SLC38A8: variants seen among roughly 807,000 people sequenced by gnomAD.
The protein encoded by SLC38A8 is solute carrier family 38 member 8.
A neutral mutation model predicts 46.0 loss-of-function variants in SLC38A8; 65 were observed. The observed-to-expected ratio is 1.41, with a 90% CI of 1.16 to 1.74. SLC38A8 has a LOEUF of 1.74. Ranked by LOEUF, SLC38A8 falls within the 40% of genes most tolerant of loss-of-function variation. The pLI, the probability that SLC38A8 is intolerant of heterozygous loss-of-function variation, is 0.00. For missense variants in SLC38A8, 998 were observed against 567.9 expected (o/e 1.76, Z -7.70); for synonymous variants, 447 against 243.7 (o/e 1.83, Z -7.77).
Position 84,009,730 on chromosome 16 carries a change from G to T in SLC38A8, c.*54C>A. ...ATCGGTCTCCTGGCTGCATACAGCA[G>T]CCACGTAGGGTCAGCCCCCGGAGGG... On this transcript the variant is annotated 3_prime_UTR_variant, in exon 11 of 11. Transcript: ENST00000299709. 6.6e-7 allele frequency: 1 copy of T among 1,504,622 alleles called. No individual in the cohort carries two copies. Among genetic ancestry groups the T allele is most frequent in the Non-Finnish European group, 9.1e-7 (1 of 1,098,710 alleles). The allele number at this position is 1,504,622 out of a possible 1,614,324, so 93.2% of individuals were successfully genotyped here.
intron 7 of SLC38A8, among the ~76,000 whole-genome samples, chr16:84,018,843 T>G (rs1186800870): frequency 6.6e-6 from 1 of 152,168 alleles, no homozygotes; most frequent in African/African-American, 2.4e-5. Flanking sequence ...GCAGTGAATT[T>G]CTAGGGGAGT....
At chr16:84,019,900 G>A (rs2085075439) in intron 7 of SLC38A8, among the ~76,000 whole-genome samples, 1 of 152,260 alleles carries the variant, frequency 6.6e-6, no homozygotes, top group African/African-American at 2.4e-5. Flanking sequence ...TTGACACCAT[G>A]TGCCACCCCC....
At chr16:84,015,065 G>A (rs1170764995) in intron 9 of SLC38A8, among the ~76,000 whole-genome samples, 2 of 152,000 alleles carry the variant, frequency 1.3e-5, no homozygotes, top group African/African-American at 4.8e-5. Context: ...CAGGGTGTTG[G>A]GGATACCTGG....
At chr16:84,031,788 C>G in intron 5 of SLC38A8, 79 bp downstream of exon 5, 1 of 1,227,834 alleles carries the variant, frequency 8.1e-7, no homozygotes, top group African/African-American at 1.5e-5. Context: ...CGAGAGGCTC[C>G]TCCTCCAAGA....
intron 2 of SLC38A8, among the ~76,000 whole-genome samples, chr16:84,039,295 G>A (rs1419844675): frequency 6.6e-6 from 1 of 152,184 alleles, no homozygotes; most frequent in Non-Finnish European, 1.5e-5. Flanking sequence ...AGCAGCCCTA[G>A]GAAACAGACA....
rs2085304989 is a variant in SLC38A8, at chr16:84,036,816, C to A, written c.274G>T (p.Val92Phe). ...VSGQATYQGV[V>F]RGLCGPAIGK... ...ATGGCAGGGCCACACAGCCCCCTGA[C>A]CACACCCTGGTAGGTGGCCTGGCCA... The change falls in exon 3 of 11, where the codon GTC becomes TTC. Residue 92 changes from valine to phenylalanine, a missense_variant. By Grantham distance (50) the Val-to-Phe change is conservative. Transcript: ENST00000299709. 2 of 1,613,972 alleles carry A rather than the reference C, an allele frequency of 1.2e-6. No homozygotes were observed. Among genetic ancestry groups the A allele is most frequent in the Non-Finnish European group, 8.5e-7 (1 of 1,180,024 alleles).
At chr16:84,035,203 T>G (rs905351252) in intron 3 of SLC38A8, among the ~76,000 whole-genome samples, 2 of 152,104 alleles carry the variant, frequency 1.3e-5, no homozygotes, top group East Asian at 1.9e-4. Context: ...TTCAGTGGAG[T>G]TGAAACTGCA....
intron 2 of SLC38A8, among the ~76,000 whole-genome samples, chr16:84,039,763 AAAAAAGGC>A (rs1300865940): frequency 2.6e-5 from 2 of 75,484 alleles, no homozygotes; most frequent in Non-Finnish European, 5.0e-5. Flanking sequence ...AAAAAAAAAA[AAAAAAGGC>A]AGGGGAAGGT....
intron 9 of SLC38A8, among the ~76,000 whole-genome samples, chr16:84,013,599 T>G (rs2084985217): frequency 6.6e-6 from 1 of 151,548 alleles, no homozygotes; most frequent in African/African-American, 2.4e-5. Context: ...CCCCGCTCAT[T>G]TTTGTATTTT....
intron 3 of SLC38A8, among the ~76,000 whole-genome samples, chr16:84,036,393 T>A (rs1228623413): frequency 6.6e-6 from 1 of 152,232 alleles, no homozygotes; most frequent in Non-Finnish European, 1.5e-5. Flanking sequence ...TGTTACTGGT[T>A]CTTTCTCAGA....
intron 9 of SLC38A8, 81 bp downstream of exon 9, chr16:84,016,438 T>G: frequency 6.6e-7 from 1 of 1,508,180 alleles, no homozygotes; most frequent in South Asian, 1.3e-5. Context: ...TCCAGAACCT[T>G]GACCTCCAAC....
chr16:84,013,155 T>G (rs2084974448), intron 9 of SLC38A8, 103 bp from the exon 10 acceptor site: 1 of 1,356,678 alleles, frequency 7.4e-7, no homozygotes, highest in African/African-American at 1.5e-5. Flanking sequence ...CAGCAAGGCC[T>G]CCGCCCATGG....
chr16:84,012,709 G>A (rs572620081), intron 10 of SLC38A8, among the ~76,000 whole-genome samples: 14 of 152,320 alleles, frequency 9.2e-5, no homozygotes, highest in African/African-American at 3.4e-4. Context: ...ACAAAGGAGG[G>A]TACAGATGCA....
chr16:84,029,420 G>C (rs1462573405), intron 6 of SLC38A8, 74 bp downstream of exon 6: 13 of 1,534,002 alleles, frequency 8.5e-6, no homozygotes, highest in Non-Finnish European at 1.2e-5. Context: ...AGAAACCAAG[G>C]TTTCCCAAGG....
At chr16:84,039,419 C>A (rs1464250439) in intron 2 of SLC38A8, among the ~76,000 whole-genome samples, 3 of 152,138 alleles carry the variant, frequency 2.0e-5, no homozygotes, top group Non-Finnish European at 2.9e-5. Flanking sequence ...AAGGGCCTGA[C>A]AAATGCAGAC....
chr16:84,022,731 T>G (rs1567695440), intron 7 of SLC38A8, 44 bp downstream of exon 7: 3 of 1,495,816 alleles, frequency 2.0e-6, no homozygotes, highest in Non-Finnish European at 2.8e-6. Flanking sequence ...TTGTTTCTAC[T>G]GTCACTCCCC....
rs371968857 is a variant in SLC38A8 at position 84,033,442 on chromosome 16, G to A, written c.416C>T (p.Pro139Leu). The change falls in exon 4 of 11, where the codon CCG becomes CTG. Residue 139 changes from proline (P) to leucine (L), a missense_variant. Transcript: ENST00000299709. ...KLCDSLLSGT[P>L]PAPQPWYADQ... ...TGCGTACCACGGCTGCGGGGCGGGC[G>A]GGGTGCCAGACAGGAGGGAGTCACA... 7.0e-5 allele frequency: 112 copies of A among 1,610,226 alleles called. 1 individual carries two copies. The African/African-American group carries it at 7.6e-4, about 11-fold the overall frequency.
intron 5 of SLC38A8, among the ~76,000 whole-genome samples, chr16:84,030,480 C>T (rs1264914276): frequency 6.6e-6 from 1 of 152,002 alleles, no homozygotes; most frequent in Admixed American, 6.5e-5. Context: ...GCCCGGACCT[C>T]TCTCTCTGAA....
Position 84,042,469 on chromosome 16 carries a change from C to T in SLC38A8, c.-3+82G>A, listed in dbSNP as rs72799256. ...CCCAACCTTCCTCATCCCCATCAAT[C>T]CTCTCTCCCCCCATTCCCATCCACT... On this transcript the variant is annotated intron_variant, in intron 1 of 10. Transcript: ENST00000299709. The T allele has an allele frequency of 8.0e-3, 2,067 of 258,470 alleles. 15 individuals carry two copies. Among genetic ancestry groups the T allele is most frequent in the Admixed American group, 0.011 (226 of 19,876 alleles). 16.0% of individuals were successfully genotyped at this position (258,470 alleles called of 1,614,324 possible). A position where few individuals can be genotyped will look rare whatever the true frequency, so the allele number is the denominator to read the frequency against.
Sources: gnomAD v4.1 joint callset for allele counts (sites outside exome capture counted in the v4.1 genomes callset) on GRCh38, gnomAD v4.1.1 for gene constraint, MANE v1.5 for transcripts, NCBI Gene and HGNC (gene_info 2026-07-23, HGNC 2026-07-21) for gene names.